JAK3: variants seen among roughly 807,000 people sequenced by gnomAD.
The protein encoded by JAK3 is Janus kinase 3.
JAK3 carries 88 observed loss-of-function variants against 120.8 expected under a neutral mutation model. The ratio of observed to expected loss-of-function variants is 0.73; its 90% confidence interval spans 0.61 to 0.87. JAK3 has a LOEUF of 0.87. Among genes scored for constraint, JAK3 ranks in the 40% least tolerant of loss-of-function variants. The pLI is 0.00. For missense variants in JAK3, 1,254 were observed against 1,501.4 expected (o/e 0.84, Z 2.72); for synonymous variants, 592 against 628.6 (o/e 0.94, Z 0.87).
chr19:17,837,069 G>A, intron 13 of JAK3, 60 bp downstream of exon 13: 1 of 1,024,090 alleles, frequency 9.8e-7, no homozygotes, highest in Non-Finnish European at 1.3e-6. Context: ...AACAGAGGTG[G>A]GAAGAACAGC....
chr19:17,842,244 C>T lies in JAK3; in HGVS notation c.861+72G>A. 2 of 1,414,510 alleles carry T rather than the reference C, an allele frequency of 1.4e-6. No homozygotes were observed. The highest frequency in any genetic ancestry group is 1.9e-6 in the Non-Finnish European group (2 of 1,074,272). The allele number at this position is 1,414,510 out of a possible 1,614,324, so 87.6% of individuals were successfully genotyped here. A position where few individuals can be genotyped will look rare whatever the true frequency, so the allele number is the denominator to read the frequency against. On this transcript the variant is annotated intron_variant, in intron 6 of 23. Transcript: ENST00000458235. The surrounding 1 kb of genome is among the most constrained non-coding windows in gnomAD (Gnocchi z 6.4). ...TCGTTTTGGCTCCGCCCCACATCCC[C>T]TACCACTCTCCGGCCCCTCCCCGAG...
chr19:17,834,844 G>C lies in JAK3; in HGVS notation c.2199+8C>G, dbSNP rs751096578. The C allele has an allele frequency of 3.7e-6, 6 of 1,614,016 alleles. No homozygotes were observed. In the East Asian group the frequency reaches 1.3e-4, roughly 36 times the overall value. ...TTCGGAGACCGATGCCGGGTGAGGG[G>C]CTCTGACCTTAGCAGGATCCAGGGC... On this transcript the variant is annotated splice_region_variant and intron_variant, in intron 16 of 23. Transcript: ENST00000458235.
rs1017616345 is a variant in JAK3, at chr19:17,832,093, C to G, written c.2681-295G>C. ...CCTGGCCAACATGGTGAAAACCCAT[C>G]TCCACTAAAAACACAAAAATTAGCC... On this transcript the variant is annotated intron_variant, in intron 19 of 23. Transcript: ENST00000458235. This position sits in a 1 kb window ranked among gnomAD's most constrained non-coding sequence, Gnocchi z 4.7. 3.9e-5 allele frequency among the ~76,000 whole-genome samples: 6 copies of G among 152,168 alleles called. No homozygotes were observed. Among genetic ancestry groups the G allele is most frequent in the African/African-American group, 1.4e-4 (6 of 41,438 alleles).
At position 17,831,214 on chromosome 19, in the gene JAK3, C is replaced by A. The variant is rs767473733; in HGVS notation, c.2978+14G>T. The stretch of plus-strand genomic sequence containing the variant: ...GTGGGGAATAGGGGCGGAGCCTAGG[C>A]GCGGGTTCCCCACCAGAAAATGGGG... On this transcript the variant is annotated intron_variant, in intron 21 of 23. Transcript: ENST00000458235. This position sits in a 1 kb window ranked among gnomAD's most constrained non-coding sequence, Gnocchi z 5.1. 1.2e-6 allele frequency: 2 copies of A among 1,610,250 alleles called. No individual in the cohort carries two copies. The highest frequency in any genetic ancestry group is 1.7e-5 in the Admixed American group (1 of 59,956).
At chr19:17,845,979 G>A (rs1021401231) in intron 1 of JAK3, among the ~76,000 whole-genome samples, 1 of 151,954 alleles carries the variant, frequency 6.6e-6, no homozygotes, top group Admixed American at 6.6e-5. Flanking sequence ...CACCATGCCC[G>A]GCTAATTTTT....
rs201733436 is a variant in JAK3, at chr19:17,836,045, A to G, written c.1793T>C (p.Met598Thr). Residue 598 changes from methionine to threonine, a missense_variant, in exon 14 of 24, where the codon ATG (methionine) becomes ACG (threonine). Around this residue, in one of 3 missense-constraint regions of JAK3, gnomAD observed 630 missense variants for 819.8 expected, o/e 0.77. Transcript: ENST00000458235. ...CCCCAGGTGTACAAATTCCTGCACC[A>G]TGGTGCCTGGTTGGCAGCAGGGAGA... is the stretch of plus-strand genomic sequence containing the variant. The part of the protein sequence containing the change: ...HGVCMAGDST[M>T]VQEFVHLGAI... 5.6e-5 allele frequency: 90 copies of G among 1,613,264 alleles called. No individual in the cohort carries two copies. The highest frequency in any genetic ancestry group is 7.5e-5 in the Non-Finnish European group (88 of 1,180,012).
At chr19:17,836,471 G>A (rs2094224528) in intron 13 of JAK3, among the ~76,000 whole-genome samples, 1 of 152,034 alleles carries the variant, frequency 6.6e-6, no homozygotes, top group Admixed American at 6.6e-5. Flanking sequence ...TAGTAGAGAC[G>A]GGGTCTTGCC....
chr19:17,834,970 T>G lies in JAK3; in HGVS notation c.2081A>C (p.Glu694Ala). ...LTDRIPWVAP[E>A]CLREAQTLSL... is the part of the protein sequence containing the mutation. ...AAGTGTCTGCGCCTCCCGGAGACACTCGGGGGCCACCCAGGGGATCCTGTC... is the reference window on the plus strand; with the variant it reads ...AAGTGTCTGCGCCTCCCGGAGACACGCGGGGGCCACCCAGGGGATCCTGTC... The change falls in exon 16 of 24, where the codon GAG becomes GCG. Residue 694 changes from glutamate (E) to alanine (A), a missense_variant. This residue lies in a region of JAK3 where 630 missense variants were observed against 819.8 expected (regional missense o/e 0.77). Transcript: ENST00000458235. The G allele has an allele frequency of 6.2e-7, 1 of 1,614,060 alleles. No homozygotes were observed. Among genetic ancestry groups the G allele is most frequent in the Non-Finnish European group, 8.5e-7 (1 of 1,179,990 alleles).
rs2147688995 is a variant in JAK3, at chr19:17,838,370, C to G, written c.1462G>C (p.Val488Leu). The change falls in exon 11 of 24, where the codon GTC (valine) becomes CTC (leucine). Residue 488 changes from valine (V) to leucine (L), a missense_variant. Val to Leu is a conservative substitution (Grantham distance 32). Around this residue, in one of 3 missense-constraint regions of JAK3, gnomAD observed 486 missense variants for 503.0 expected, o/e 0.97. Transcript: ENST00000458235. ...GTGGGTGGGCTGTGACCTCTCTGGA[C>G]CACGATCAGGTTGGACTTTTCTATG... ...RPKEKSNLIV[V>L]QRGHSPPTSS... 6.2e-7 allele frequency: 1 copy of G among 1,614,046 alleles called. No homozygotes were observed. The highest frequency in any genetic ancestry group is 8.5e-7 in the Non-Finnish European group (1 of 1,180,014).
chr19:17,830,362 A>G, intron 22 of JAK3, 141 bp downstream of exon 22: 1 of 910,316 alleles, frequency 1.1e-6, no homozygotes, highest in Non-Finnish European at 1.7e-6. Context: ...AAGGTGAGGA[A>G]GCGTCCTCCC....
At position 17,841,247 on chromosome 19, in the gene JAK3, A is replaced by C. The variant is rs2094237774; in HGVS notation, c.1142+142T>G. 3 of 782,730 alleles carry C rather than the reference A, an allele frequency of 3.8e-6. No individual in the cohort carries two copies. The highest frequency in any genetic ancestry group is 6.0e-6 in the Non-Finnish European group (3 of 496,010). The allele number at this position is 782,730 out of a possible 1,614,324, so 48.5% of individuals were successfully genotyped here. A position where few individuals can be genotyped will look rare whatever the true frequency, so the allele number is the denominator to read the frequency against. Reference sequence around the variant, plus strand: ...GAAGCAGAAGGAATACTTCAGCTTCACTGAGCGCTGACTGTGCGGCAGGTG... The same window carrying C: ...GAAGCAGAAGGAATACTTCAGCTTCCCTGAGCGCTGACTGTGCGGCAGGTG... On this transcript the variant is annotated intron_variant, in intron 8 of 23. Coordinates refer to ENST00000458235, the MANE Select transcript of JAK3 (RefSeq NM_000215.4). This position sits in a 1 kb window ranked among gnomAD's most constrained non-coding sequence, Gnocchi z 4.1.
Position 17,826,602 on chromosome 19 carries a change from C to T in JAK3, c.*141G>A. 1 of 911,930 alleles carries T rather than the reference C, an allele frequency of 1.1e-6. No individual in the cohort carries two copies. The highest frequency in any genetic ancestry group is 1.8e-6 in the Non-Finnish European group (1 of 548,046). The allele number at this position is 911,930 out of a possible 1,614,324, so 56.5% of individuals were successfully genotyped here. A position where few individuals can be genotyped will look rare whatever the true frequency, so the allele number is the denominator to read the frequency against. ...AGGCTATTCTACAGGCCACGGGAGC[C>T]CCCCCAAATGCAATGTCATGGGGGT... On this transcript the variant is annotated 3_prime_UTR_variant, in exon 24 of 24. Transcript: ENST00000458235.
chr19:17,832,757 C>G lies in JAK3; in HGVS notation c.2490+33G>C. 6.2e-7 allele frequency: 1 copy of G among 1,614,246 alleles called. No individual in the cohort carries two copies. Among genetic ancestry groups the G allele is most frequent in the South Asian group, 1.1e-5 (1 of 91,086 alleles). ...CCAGGCACCTGGATGCTGCCCTGCC[C>G]TCTCCAACCCACCCTGGCCCTGCCC... On this transcript the variant is annotated intron_variant, in intron 18 of 23. Transcript: ENST00000458235. This position sits in a 1 kb window ranked among gnomAD's most constrained non-coding sequence, Gnocchi z 4.7.
In JAK3 at chr19:17,831,488, C is replaced by T; in HGVS notation, c.2806-88G>A. ...CGTGACCTGGCACCCCAACCCAGAC[C>T]CCAACTATAACCCTACCCCCGAGCC... On this transcript the variant is annotated intron_variant, in intron 20 of 23. Coordinates refer to ENST00000458235, the MANE Select transcript of JAK3 (RefSeq NM_000215.4). The surrounding 1 kb of genome is among the most constrained non-coding windows in gnomAD (Gnocchi z 5.1). 1 of 1,567,332 alleles carries T rather than the reference C, an allele frequency of 6.4e-7. No homozygotes were observed. The highest frequency in any genetic ancestry group is 8.7e-7 in the Non-Finnish European group (1 of 1,154,378).
chr19:17,827,403 A>T (rs1836299967), intron 23 of JAK3, among the ~76,000 whole-genome samples: 2 of 151,740 alleles, frequency 1.3e-5, no homozygotes, highest in South Asian at 4.2e-4. Flanking sequence ...GCTGGAATGC[A>T]GTGGTGCGAT....
rs185841445 is a variant in JAK3, at chr19:17,842,804, G to T, written c.567-194C>A. 1.2e-5 allele frequency: 10 copies of T among 821,904 alleles called. No homozygotes were observed. In the East Asian group the frequency reaches 2.4e-4, roughly 20 times the overall value. The allele number at this position is 821,904 out of a possible 1,614,324, so 50.9% of individuals were successfully genotyped here. A position where few individuals can be genotyped will look rare whatever the true frequency, so the allele number is the denominator to read the frequency against. ...TAGGGGAGGGCCATTGGCGCCCACA[G>T]GTCGGACAGGGACCCCACAGGCCTT... On this transcript the variant is annotated intron_variant, in intron 5 of 23. Transcript: ENST00000458235. The surrounding 1 kb of genome is among the most constrained non-coding windows in gnomAD (Gnocchi z 6.4).
rs138017159 is a variant in JAK3, at chr19:17,836,470, C to T, written c.1787-419G>A. On this transcript the variant is annotated intron_variant, in intron 13 of 23. Transcript: ENST00000458235. ...GCTGATTTTGTATTTTTAGTAGAGA[C>T]GGGGTCTTGCCATGTTGGCCAGACT... Among the ~76,000 whole-genome samples, 477 of 152,214 alleles carry T rather than the reference C, an allele frequency of 3.1e-3. 2 individuals carry two copies. The highest frequency in any genetic ancestry group is 0.01 in the African/African-American group (434 of 41,534).
rs79972191 is a variant in JAK3, at chr19:17,825,321, C to T, written c.*1422G>A. The T allele has an allele frequency of 8.8e-3, 2,013 of 228,126 alleles. 44 individuals are homozygous for T. Among genetic ancestry groups the T allele is most frequent in the African/African-American group, 0.042 (1,917 of 45,142 alleles). The allele number at this position is 228,126 out of a possible 1,614,324, so 14.1% of individuals were successfully genotyped here. ...CTCTGCCAGGAATGCCTTTCCTTCCCTTGATTGCGTGAAAAGTTCCTGCCA... is the reference window on the plus strand; with the variant it reads ...CTCTGCCAGGAATGCCTTTCCTTCCTTTGATTGCGTGAAAAGTTCCTGCCA... On this transcript the variant is annotated 3_prime_UTR_variant, in exon 24 of 24. Transcript: ENST00000458235.
At chr19:17,846,501 C>T (rs1032582369) in intron 1 of JAK3, among the ~76,000 whole-genome samples, 1 of 152,184 alleles carries the variant, frequency 6.6e-6, no homozygotes, top group African/African-American at 2.4e-5. Context: ...AGATTGATGT[C>T]TAGTTTTGCC....
Sources: allele counts gnomAD v4.1 joint callset (sites outside exome capture counted in the v4.1 genomes callset), GRCh38; gene constraint gnomAD v4.1.1; regional missense constraint gnomAD v4.1.1; non-coding constraint Gnocchi (gnomAD v3.1); transcripts MANE v1.5; gene names NCBI Gene and HGNC (gene_info 2026-07-23, HGNC 2026-07-21).